CPA6: variants seen among roughly 807,000 people sequenced by gnomAD.
The protein encoded by CPA6 is carboxypeptidase A6.
Under a neutral mutation model 63.3 loss-of-function variants are expected in CPA6, and 58 were observed. That is an observed-to-expected ratio of 0.92 (90% CI 0.74 to 1.14). The LOEUF (loss-of-function observed/expected upper bound fraction) is 1.14, where lower values mean the gene tolerates loss of function less well. Among genes scored for constraint, CPA6 ranks in the 50% most tolerant of loss-of-function variants. CPA6 has a pLI of 0.00. For synonymous variants in CPA6, 185 were observed against 179.0 expected (o/e 1.03, Z -0.27); for missense variants, 565 against 526.6 (o/e 1.07, Z -0.71).
At chr8:67,485,444 C>T (rs1811457527) in intron 6 of CPA6, among the ~76,000 whole-genome samples, 1 of 152,064 alleles carries the variant, frequency 6.6e-6, no homozygotes, top group African/African-American at 2.4e-5. Context: ...AGCATGAGAA[C>T]AATGTATGAT....
intron 2 of CPA6, among the ~76,000 whole-genome samples, chr8:67,537,235 T>C (rs1489355624): frequency 6.6e-6 from 1 of 152,206 alleles, no homozygotes; most frequent in African/African-American, 2.4e-5. Flanking sequence ...GGAGTCTCTC[T>C]TTTTCTATTG....
intron 1 of CPA6, among the ~76,000 whole-genome samples, chr8:67,701,825 T>C (rs192562880): frequency 3.3e-4 from 50 of 152,304 alleles, no homozygotes; most frequent in Admixed American, 2.9e-3. Flanking sequence ...TAACTTCCTA[T>C]AAAGAGCAGA....
intron 1 of CPA6, among the ~76,000 whole-genome samples, chr8:67,702,404 CA>C (rs11338659): frequency 0.023 from 3,555 of 152,114 alleles, 163 homozygotes; most frequent in African/African-American, 0.082. Flanking sequence ...CAGACATGAG[CA>C]GTGCAGGAGA....
chr8:67,697,216 A>C (rs961175478), intron 1 of CPA6, among the ~76,000 whole-genome samples: 1 of 152,190 alleles, frequency 6.6e-6, no homozygotes, highest in Non-Finnish European at 1.5e-5. Context: ...GCTCCCAGGG[A>C]TGGCAAACTC....
Position 67,664,320 on chromosome 8 carries a change from C to A in CPA6, c.117-40069G>T, listed in dbSNP as rs1451348987. On this transcript the variant is annotated intron_variant, in intron 1 of 10. Transcript: ENST00000297770. ...AAGAGTGTAATTGGAGACTTTCATG[C>A]CAAATGTGTAAATATTATAAAAGTT... Among the ~76,000 whole-genome samples the A allele has an allele frequency of 2.0e-5, 3 of 152,136 alleles. No homozygotes were observed. The East Asian group carries it at 5.8e-4, about 29-fold the overall frequency.
Position 67,541,159 on chromosome 8 carries a change from C to T in CPA6, c.193-23112G>A, listed in dbSNP as rs200130953. On this transcript the variant is annotated intron_variant, in intron 2 of 10. Coordinates refer to ENST00000297770, the MANE Select transcript of CPA6 (RefSeq NM_020361.5). ...CACCCAGTTTTGTGCTTGAAACCCACGGCCCTGGTGATGTAGGCACCTGAG... is the reference window on the plus strand; with the variant it reads ...CACCCAGTTTTGTGCTTGAAACCCATGGCCCTGGTGATGTAGGCACCTGAG... Among the ~76,000 whole-genome samples the T allele has an allele frequency of 1.6e-4, 25 of 152,070 alleles. No homozygotes were observed. In the South Asian group the frequency reaches 1.9e-3, roughly 11 times the overall value.
intron 1 of CPA6, among the ~76,000 whole-genome samples, chr8:67,736,510 C>T (rs1817815800): frequency 6.6e-6 from 1 of 151,670 alleles, no homozygotes; most frequent in African/African-American, 2.4e-5. Context: ...ATATGATTAA[C>T]CTCTCCCTTC....
intron 2 of CPA6, among the ~76,000 whole-genome samples, chr8:67,535,653 G>A (rs562256651): frequency 2.0e-5 from 3 of 152,246 alleles, no homozygotes; most frequent in Non-Finnish European, 4.4e-5. Flanking sequence ...CATTCTGTAG[G>A]TTGCCTGTTC....
intron 6 of CPA6, among the ~76,000 whole-genome samples, chr8:67,490,833 C>T (rs1001783570): frequency 1.3e-5 from 2 of 149,062 alleles, no homozygotes; most frequent in Non-Finnish European, 3.0e-5. Flanking sequence ...TCAATGCTTT[C>T]GGATTTACGT....
intron 8 of CPA6, among the ~76,000 whole-genome samples, chr8:67,468,701 AC>A (rs1365488315): frequency 2.6e-5 from 4 of 152,154 alleles, no homozygotes; most frequent in African/African-American, 9.7e-5. Context: ...CTGTGACATA[AC>A]CCCACTTGCA....
At chr8:67,536,461 G>A (rs1812586995) in intron 2 of CPA6, among the ~76,000 whole-genome samples, 1 of 152,124 alleles carries the variant, frequency 6.6e-6, no homozygotes. Flanking sequence ...TGTAGCAATT[G>A]TGAATGGGAG....
intron 1 of CPA6, among the ~76,000 whole-genome samples, chr8:67,662,404 C>CACACACGTATATGTATATATAGAATACAT (rs1563382253): frequency 4.7e-5 from 7 of 148,878 alleles, no homozygotes; most frequent in South Asian, 2.1e-4. Flanking sequence ...TACATATATA[C>CACACACGTATATGTATATATAGAATACAT]ACACACGTAT....
At chr8:67,552,774 C>CAAAAAAAAAAAAAAA (rs762395117) in intron 2 of CPA6, among the ~76,000 whole-genome samples, 36 of 20,932 alleles carry the variant, frequency 1.7e-3, no homozygotes, top group South Asian at 3.6e-3. Flanking sequence ...AAGACTGTCT[C>CAAAAAAAAAAAAAAA]AAAAAAAAAA....
intron 2 of CPA6, among the ~76,000 whole-genome samples, chr8:67,547,283 T>C (rs1285522116): frequency 6.6e-6 from 1 of 152,180 alleles, no homozygotes; most frequent in African/African-American, 2.4e-5. Flanking sequence ...CCTGACCTGG[T>C]GATCCGCCCG....
intron 2 of CPA6, among the ~76,000 whole-genome samples, chr8:67,584,270 T>C (rs1436189600): frequency 1.3e-5 from 2 of 152,184 alleles, no homozygotes; most frequent in African/African-American, 4.8e-5. Flanking sequence ...AAGGTATACT[T>C]GTAAGTGCAA....
At chr8:67,633,463 C>T (rs907205867) in intron 1 of CPA6, among the ~76,000 whole-genome samples, 1 of 152,204 alleles carries the variant, frequency 6.6e-6, no homozygotes, top group African/African-American at 2.4e-5. Context: ...GGGTGGATCA[C>T]GAGGTCAGGA....
At chr8:67,648,873 CTG>C (rs934874777) in intron 1 of CPA6, among the ~76,000 whole-genome samples, 14 of 152,062 alleles carry the variant, frequency 9.2e-5, no homozygotes, top group African/African-American at 3.4e-4. Context: ...ATCAATGAAA[CTG>C]GGAAAACAAA....
At chr8:67,743,635 AT>A (rs34308089) in intron 1 of CPA6, among the ~76,000 whole-genome samples, 119 of 150,080 alleles carry the variant, frequency 7.9e-4, no homozygotes, top group African/African-American at 2.2e-3. Flanking sequence ...TCCCAAGGCA[AT>A]TTTTTTTTTC....
At chr8:67,443,200 T>A (rs1810334153) in intron 8 of CPA6, among the ~76,000 whole-genome samples, 1 of 151,900 alleles carries the variant, frequency 6.6e-6, no homozygotes, top group African/African-American at 2.4e-5. Context: ...GTAGCTGAGA[T>A]TAGGTGCGCA....
Sources: allele counts gnomAD v4.1 joint callset (sites outside exome capture counted in the v4.1 genomes callset), GRCh38; gene constraint gnomAD v4.1.1; transcripts MANE v1.5; gene names NCBI Gene and HGNC (gene_info 2026-07-23, HGNC 2026-07-21).